The following FUT8 variants were observed in gnomAD, a reference collection of about 807,000 sequenced individuals.
FUT8 encodes fucosyltransferase 8.
FUT8 carries 29 observed loss-of-function variants against 71.3 expected under a neutral mutation model. The ratio of observed to expected loss-of-function variants is 0.41; its 90% CI spans 0.30 to 0.55. The LOEUF (loss-of-function observed/expected upper bound fraction) is 0.55. Ranked by LOEUF, FUT8 falls within the 20% of genes least tolerant of loss-of-function variation. The pLI is 0.34. For synonymous variants in FUT8, 254 were observed against 239.3 expected (o/e 1.06, Z -0.57); for missense variants, 544 against 702.1 (o/e 0.77, Z 2.55).
At chr14:65,710,651 G>A (rs906159806) in intron 7 of FUT8, among the ~76,000 whole-genome samples, 1 of 151,880 alleles carries the variant, frequency 6.6e-6, no homozygotes, top group Non-Finnish European at 1.5e-5. Flanking sequence ...GTTTTGAACT[G>A]GAAATCTTGA....
intron 3 of FUT8, among the ~76,000 whole-genome samples, chr14:65,614,043 G>A (rs553425345): frequency 6.6e-6 from 1 of 151,304 alleles, no homozygotes; most frequent in African/African-American, 2.4e-5. Context: ...GAATCTGGGA[G>A]GCAGTGGTTG....
intron 2 of FUT8, among the ~76,000 whole-genome samples, chr14:65,482,837 C>T (rs2066352141): frequency 6.6e-6 from 1 of 152,120 alleles, no homozygotes; most frequent in Non-Finnish European, 1.5e-5. Context: ...GCTGGAGAAA[C>T]ACTGCAGAGA....
intron 2 of FUT8, among the ~76,000 whole-genome samples, chr14:65,553,341 G>A (rs751922103): frequency 6.6e-5 from 10 of 151,702 alleles, no homozygotes; most frequent in Admixed American, 4.6e-4. Flanking sequence ...CATTTCCTCC[G>A]TCTCATCTTT....
chr14:65,631,586 T>C (rs768699357), intron 6 of FUT8, among the ~76,000 whole-genome samples: 3 of 152,186 alleles, frequency 2.0e-5, no homozygotes, highest in Non-Finnish European at 4.4e-5. Flanking sequence ...CAGATATTGC[T>C]ATTTAACTTT....
rs182227351 is a variant in FUT8, at chr14:65,658,001, C to G, written c.598-11242C>G. 1.2e-3 allele frequency among the ~76,000 whole-genome samples: 188 copies of G among 151,898 alleles called. 1 individual carries two copies. The highest frequency in any genetic ancestry group is 4.4e-3 in the African/African-American group (183 of 41,446). ...AGAAAAATAGAAACTTTTTACTTACCAGCAACCCCGTTAAAGAGGATGAAA... is the reference window on the plus strand; with the variant it reads ...AGAAAAATAGAAACTTTTTACTTACGAGCAACCCCGTTAAAGAGGATGAAA... On this transcript the variant is annotated intron_variant, in intron 6 of 10. Coordinates refer to ENST00000673929, the MANE Select transcript of FUT8 (RefSeq NM_001371533.1).
At chr14:65,588,158 C>T (rs1887491907) in intron 3 of FUT8, among the ~76,000 whole-genome samples, 2 of 152,154 alleles carry the variant, frequency 1.3e-5, no homozygotes, top group Admixed American at 1.3e-4. Context: ...CCTCCTTCCA[C>T]CTTAACCTCC....
Position 65,472,203 on chromosome 14 carries a change from G to A in FUT8, c.-228+16485G>A, listed in dbSNP as rs1228211036. On this transcript the variant is annotated intron_variant, in intron 2 of 10. Coordinates refer to ENST00000673929, the MANE Select transcript of FUT8 (RefSeq NM_001371533.1). This position sits in a 1 kb window ranked among gnomAD's most constrained non-coding sequence, Gnocchi z 4.4. ...AGGCTACTTCCACTGATAGCAGAAG[G>A]CAAAGAGGTGCCAGCTTGTGCACAA... 6.6e-6 allele frequency among the ~76,000 whole-genome samples: 1 copy of A among 152,148 alleles called. No homozygotes were observed. Among genetic ancestry groups the A allele is most frequent in the Non-Finnish European group, 1.5e-5 (1 of 68,024 alleles).
rs1885906754 is a variant in FUT8, at chr14:65,561,416, A to G, written c.-148A>G. 1.4e-6 allele frequency: 1 copy of G among 699,988 alleles called. No individual in the cohort carries two copies. Among genetic ancestry groups the G allele is most frequent in the Non-Finnish European group, 2.5e-6 (1 of 407,556 alleles). 43.4% of individuals were successfully genotyped at this position (699,988 alleles called of 1,614,324 possible). On this transcript the variant is annotated 5_prime_UTR_variant, in exon 3 of 11. Coordinates refer to ENST00000673929, the MANE Select transcript of FUT8 (RefSeq NM_001371533.1). ...AGGATCTCTTTGAAAGATTCACTGC[A>G]GGACTACCAGAGAGAATAATTTGTC... is the stretch of plus-strand genomic sequence containing the variant.
At chr14:65,391,136 G>A in the FUT8 span, among the ~76,000 whole-genome samples, 1 of 152,196 alleles carries the variant, frequency 6.6e-6, no homozygotes, top group African/African-American at 2.4e-5. Flanking sequence ...CTATGGTCCT[G>A]TGTACATTTT....
chr14:65,419,770 C>T (rs1021935220), intron 1 of FUT8, among the ~76,000 whole-genome samples: 1 of 152,102 alleles, frequency 6.6e-6, no homozygotes, highest in African/African-American at 2.4e-5. Flanking sequence ...CAGGTTGTAA[C>T]TGAAATTCTT....
intron 2 of FUT8, among the ~76,000 whole-genome samples, chr14:65,559,868 TAGATTTAAGAATA>T (rs1311292190): frequency 2.6e-5 from 4 of 152,144 alleles, no homozygotes; most frequent in African/African-American, 9.7e-5. Context: ...GTGTTCTTGA[TAGATTTAAGAATA>T]GTTATTAAAA....
At chr14:65,431,162 A>ATTTTTT (rs34255715) in intron 1 of FUT8, among the ~76,000 whole-genome samples, 13 of 127,462 alleles carry the variant, frequency 1.0e-4, no homozygotes, top group African/African-American at 4.0e-4. Flanking sequence ...TACCCGGCTA[A>ATTTTTT]TTTTTTTTTT....
intron 2 of FUT8, among the ~76,000 whole-genome samples, chr14:65,508,605 A>G (rs995383809): frequency 6.8e-6 from 1 of 148,118 alleles, no homozygotes; most frequent in South Asian, 2.1e-4. Flanking sequence ...GGTTCAAGCA[A>G]TTCTGTTGCC....
chr14:65,555,247 C>T (rs1042359018), intron 2 of FUT8, among the ~76,000 whole-genome samples: 1 of 151,980 alleles, frequency 6.6e-6, no homozygotes, highest in African/African-American at 2.4e-5. Context: ...ATTTTAATTT[C>T]TAAGGTGTTT....
Position 65,638,099 on chromosome 14 carries a change from A to T in FUT8, c.597+8493A>T, listed in dbSNP as rs1250516607. On this transcript the variant is annotated intron_variant, in intron 6 of 10. Transcript: ENST00000673929. The surrounding 1 kb of genome is among the most constrained non-coding windows in gnomAD (Gnocchi z 4.5). ...CGTTTCTGAGCAACACCCTGGCACA[A>T]GGTGAAGTTCGTAACCACATTTCTT... Among the ~76,000 whole-genome samples the T allele has an allele frequency of 6.6e-6, 1 of 152,234 alleles. No homozygotes were observed. The highest frequency in any genetic ancestry group is 1.5e-5 in the Non-Finnish European group (1 of 68,028).
chr14:65,612,180 G>A (rs1889035251), intron 3 of FUT8, among the ~76,000 whole-genome samples: 1 of 152,022 alleles, frequency 6.6e-6, no homozygotes, highest in African/African-American at 2.4e-5. Context: ...ATTTTACCTT[G>A]TTTGTTACTA....
At chr14:65,571,422 G>A (rs1333035280) in intron 3 of FUT8, among the ~76,000 whole-genome samples, 1 of 152,116 alleles carries the variant, frequency 6.6e-6, no homozygotes, top group Admixed American at 6.6e-5. Context: ...CACTTCAGAT[G>A]ATCCATAGTT....
intron 6 of FUT8, among the ~76,000 whole-genome samples, chr14:65,647,433 ACTTAT>A (rs1337428240): frequency 3.1e-4 from 47 of 152,254 alleles, no homozygotes; most frequent in Admixed American, 2.2e-3. Context: ...AGAGGTTTGT[ACTTAT>A]CTTTGTCTTT....
intron 2 of FUT8, among the ~76,000 whole-genome samples, chr14:65,503,080 A>T (rs1201295977): frequency 6.6e-6 from 1 of 152,216 alleles, no homozygotes; most frequent in East Asian, 1.9e-4. Flanking sequence ...AAATATTTTG[A>T]GCAATTTTAG....
Sources: gnomAD v4.1 joint callset for allele counts (sites outside exome capture counted in the v4.1 genomes callset) on GRCh38, gnomAD v4.1.1 for gene constraint, Gnocchi (gnomAD v3.1) non-coding constraint, MANE v1.5 for transcripts, NCBI Gene and HGNC (gene_info 2026-07-23, HGNC 2026-07-21) for gene names.